The following ARHGAP32 variants were observed in gnomAD, a reference collection of about 807,000 sequenced individuals.
ARHGAP32 encodes the protein rho GTPase-activating protein 32.
ARHGAP32 carries 51 observed loss-of-function variants against 186.5 expected under a neutral mutation model. That is an observed-to-expected ratio of 0.27 (90% CI 0.22 to 0.35). The LOEUF (loss-of-function observed/expected upper bound fraction) is 0.35. ARHGAP32 is among the 10% of genes least tolerant of loss of function. The probability of loss-of-function intolerance (pLI) is 1.00; values close to 1 mark genes in which losing one functional copy is unlikely to be tolerated. For missense variants in ARHGAP32, 2,186 were observed against 2,623.5 expected (o/e 0.83, Z 3.64); for synonymous variants, 950 against 964.3 (o/e 0.99, Z 0.27).
At chr11:129,037,749 C>T (rs1939411860) in intron 11 of ARHGAP32, among the ~76,000 whole-genome samples, 1 of 151,810 alleles carries the variant, frequency 6.6e-6, no homozygotes, top group African/African-American at 2.4e-5. Flanking sequence ...TTACACTTCC[C>T]CACTGCAAAA....
chr11:129,260,685 T>A (rs1945310421), intron 1 of ARHGAP32, among the ~76,000 whole-genome samples: 1 of 152,166 alleles, frequency 6.6e-6, no homozygotes, highest in Non-Finnish European at 1.5e-5. Context: ...CCTTAAAGCA[T>A]CCGTTTTAAA....
intron 11 of ARHGAP32, among the ~76,000 whole-genome samples, chr11:129,007,389 C>G (rs1466712283): frequency 3.3e-5 from 5 of 152,072 alleles, no homozygotes; most frequent in African/African-American, 1.2e-4. Flanking sequence ...ACCCAGGTAT[C>G]ACTGCTGGTT....
At chr11:129,020,497 G>T (rs1050646730) in intron 11 of ARHGAP32, among the ~76,000 whole-genome samples, 1 of 151,960 alleles carries the variant, frequency 6.6e-6, no homozygotes, top group Non-Finnish European at 1.5e-5. Context: ...CAAGTCCTTG[G>T]TCAACAGTAC....
In ARHGAP32 at chr11:128,969,495, C is replaced by A. The variant is rs770902358; in HGVS notation, c.5718G>T (p.Lys1906Asn). The stretch of plus-strand genomic sequence containing the variant: ...CTCCCTGGGGATAAGGGGGCCCATT[C>A]TTTGACTCACAGAACTGCCTATGGC... ...EASHRQFCESKNGPPYPQGAG... is the reference protein window; with the variant it reads ...EASHRQFCESNNGPPYPQGAG... Residue 1906 changes from lysine to asparagine, a missense_variant, in exon 23 of 23, where the codon AAG (lysine) becomes AAT (asparagine). Lys to Asn is a moderately conservative substitution (Grantham distance 94). Transcript: ENST00000682385. The surrounding 1 kb of genome is among the most constrained non-coding windows in gnomAD (Gnocchi z 4.8). 6.2e-7 allele frequency: 1 copy of A among 1,614,178 alleles called. No homozygotes were observed. The highest frequency in any genetic ancestry group is 1.7e-5 in the Admixed American group (1 of 60,028).
At position 128,970,539 on chromosome 11, in the gene ARHGAP32, T is replaced by A. The variant is rs1445458333; in HGVS notation, c.4674A>T (p.Ala1558=). 6.2e-7 allele frequency: 1 copy of A among 1,614,142 alleles called. No individual in the cohort carries two copies. The highest frequency in any genetic ancestry group is 1.3e-5 in the African/African-American group (1 of 75,030). ...TGCATGGCTTGGAGTGGTGTCCAGA[T>A]GCGTTTCTTCCTGGGGCCACATATG... ...YNTYVAPGRN[A]SGHHSKPCSR... Residue 1558 remains alanine (A), a synonymous_variant, in exon 23 of 23, where the codon GCA becomes GCT. Transcript: ENST00000682385. This position sits in a 1 kb window ranked among gnomAD's most constrained non-coding sequence, Gnocchi z 5.8.
intron 6 of ARHGAP32, among the ~76,000 whole-genome samples, chr11:129,085,057 T>A (rs921997653): frequency 2.0e-5 from 3 of 152,042 alleles, no homozygotes; most frequent in Non-Finnish European, 1.5e-5. Flanking sequence ...AAAGTCTCAC[T>A]CTGTCATCCA....
chr11:129,158,092 G>GAAA (rs1225171862), intron 2 of ARHGAP32, among the ~76,000 whole-genome samples: 1 of 152,006 alleles, frequency 6.6e-6, no homozygotes, highest in East Asian at 1.9e-4. Context: ...ATATGGAAAG[G>GAAA]AAAAACCGGT....
rs200184436 is a variant in ARHGAP32, at chr11:128,992,658, G to C, written c.1196-4533C>G. 4.3e-4 allele frequency among the ~76,000 whole-genome samples: 66 copies of C among 151,988 alleles called. No homozygotes were observed. In the East Asian group the frequency reaches 0.011, roughly 25 times the overall value. On this transcript the variant is annotated intron_variant, in intron 12 of 22. Coordinates refer to ENST00000682385, the MANE Select transcript of ARHGAP32 (RefSeq NM_001378024.1). Reference sequence around the variant, plus strand: ...AAAAATTAGCCAGGCATGGTGGTGGGCGCCTGTAATCCCAGCTACTCAGGA... The same window carrying C: ...AAAAATTAGCCAGGCATGGTGGTGGCCGCCTGTAATCCCAGCTACTCAGGA...
chr11:129,176,738 C>T (rs1363555350), intron 1 of ARHGAP32, among the ~76,000 whole-genome samples: 1 of 149,332 alleles, frequency 6.7e-6, no homozygotes, highest in South Asian at 2.2e-4. Context: ...TTGAAACCAA[C>T]GAGAACAAAG....
chr11:129,081,239 G>C (rs1275293828), intron 6 of ARHGAP32, among the ~76,000 whole-genome samples: 1 of 151,860 alleles, frequency 6.6e-6, no homozygotes. Flanking sequence ...AGAGAAAGAG[G>C]GAATCTTCCC....
intron 1 of ARHGAP32, among the ~76,000 whole-genome samples, chr11:129,238,952 A>T (rs1944979144): frequency 6.6e-6 from 1 of 152,058 alleles, no homozygotes; most frequent in Admixed American, 6.6e-5. Flanking sequence ...CTCCCACCTC[A>T]GCCTCCCCAA....
intron 1 of ARHGAP32, among the ~76,000 whole-genome samples, chr11:129,180,467 T>C (rs928500707): frequency 2.0e-5 from 3 of 152,120 alleles, no homozygotes; most frequent in Non-Finnish European, 4.4e-5. Context: ...ACATTTATGA[T>C]TTGTAGACTT....
intron 1 of ARHGAP32, among the ~76,000 whole-genome samples, chr11:129,255,781 G>T (rs992054905): frequency 6.6e-6 from 1 of 152,118 alleles, no homozygotes; most frequent in African/African-American, 2.4e-5. Context: ...AAGTGCTGAT[G>T]AGAATGCAGA....
intron 1 of ARHGAP32, among the ~76,000 whole-genome samples, chr11:129,236,287 C>T (rs1944933447): frequency 6.6e-6 from 1 of 151,936 alleles, no homozygotes; most frequent in Non-Finnish European, 1.5e-5. Flanking sequence ...TAGTATTGCA[C>T]AGTGGTTTTG....
rs1458101853 is a variant in ARHGAP32, at chr11:128,967,376, C to T, written c.*1531G>A. 1 of 152,182 alleles carries T rather than the reference C, an allele frequency of 6.6e-6. No homozygotes were observed. The highest frequency in any genetic ancestry group is 1.5e-5 in the Non-Finnish European group (1 of 68,034). 9.4% of individuals were successfully genotyped at this position (152,182 alleles called of 1,614,324 possible). On this transcript the variant is annotated 3_prime_UTR_variant, in exon 23 of 23. Coordinates refer to ENST00000682385, the MANE Select transcript of ARHGAP32 (RefSeq NM_001378024.1). Reference sequence around the variant, plus strand: ...AATTGGAATGCAATTCTCCTAGTGTCTTCTACAGACCGAGCATTTAAAATA... The same window carrying T: ...AATTGGAATGCAATTCTCCTAGTGTTTTCTACAGACCGAGCATTTAAAATA...
chr11:129,125,387 T>C (rs1301858435), intron 2 of ARHGAP32, among the ~76,000 whole-genome samples: 1 of 152,140 alleles, frequency 6.6e-6, no homozygotes, highest in Non-Finnish European at 1.5e-5. Context: ...ACTTCAGTGA[T>C]ACAATCAAGT....
chr11:129,029,751 G>A (rs61910964), intron 11 of ARHGAP32, among the ~76,000 whole-genome samples: 1 of 124,188 alleles, frequency 8.1e-6, no homozygotes, highest in Non-Finnish European at 1.6e-5. Flanking sequence ...GCAGTGAGCC[G>A]AGATCGCACC....
chr11:129,001,634 T>C (rs1250409955), intron 11 of ARHGAP32, among the ~76,000 whole-genome samples: 4 of 152,184 alleles, frequency 2.6e-5, no homozygotes, highest in African/African-American at 9.7e-5. Context: ...CCACTGTCCA[T>C]TTTTGCCTTG....
chr11:129,193,595 TTA>T (rs1171496521), upstream of ARHGAP32, among the ~76,000 whole-genome samples: 20,089 of 64,186 alleles, frequency 0.31, 4,302 homozygotes, highest in Admixed American at 0.38. Flanking sequence ...ATAATATATG[TTA>T]TATATAATAT....
Sources: allele counts gnomAD v4.1 joint callset (sites outside exome capture counted in the v4.1 genomes callset), GRCh38; gene constraint gnomAD v4.1.1; non-coding constraint Gnocchi (gnomAD v3.1); transcripts MANE v1.5; gene names NCBI Gene and HGNC (gene_info 2026-07-23, HGNC 2026-07-21).